EXD2: variants seen among roughly 807,000 people sequenced by gnomAD.
The protein encoded by EXD2 is exonuclease 3'-5' domain containing 2.
Under a neutral mutation model 62.5 loss-of-function variants are expected in EXD2, and 40 were observed. The observed-to-expected ratio is 0.64, with a 90% confidence interval of 0.50 to 0.83. EXD2 has a LOEUF of 0.83. EXD2 is among the 40% of genes least tolerant of loss of function. The pLI is 0.00. For missense variants in EXD2, 671 were observed against 761.8 expected, an observed-to-expected ratio of 0.88 and a Z score of 1.40; for synonymous variants, 239 against 291.9, an observed-to-expected ratio of 0.82 and a Z score of 1.85.
At chr14:69,214,996 T>C (rs1417955024) in intron 3 of EXD2, among the ~76,000 whole-genome samples, 7 of 152,108 alleles carry the variant, frequency 4.6e-5, no homozygotes, top group East Asian at 3.9e-4. Flanking sequence ...TAAAATACAG[T>C]ATAGTCCGGG....
intron 3 of EXD2, among the ~76,000 whole-genome samples, chr14:69,220,251 CTGTTTTTTTTTTTTTT>C (rs2043125453): frequency 1.7e-5 from 1 of 60,604 alleles, no homozygotes; most frequent in African/African-American, 7.0e-5. Context: ...TTTTGTCTCT[CTGTTTTTTTTTTTTTT>C]TTTTTTTTTT....
At chr14:69,221,557 A>G (rs896375631) in intron 3 of EXD2, among the ~76,000 whole-genome samples, 1 of 151,258 alleles carries the variant, frequency 6.6e-6, no homozygotes, top group Admixed American at 6.6e-5. Context: ...ACTTCAGGCA[A>G]GGAGTATGAG....
intron 3 of EXD2, among the ~76,000 whole-genome samples, chr14:69,223,106 A>G (rs1432415566): frequency 2.6e-5 from 4 of 152,224 alleles, no homozygotes; most frequent in Non-Finnish European, 5.9e-5. Context: ...TAATATTATA[A>G]TAAAAGCATG....
At chr14:69,210,661 T>A (rs577270108) in intron 3 of EXD2, among the ~76,000 whole-genome samples, 148 of 152,052 alleles carry the variant, frequency 9.7e-4, no homozygotes, top group Non-Finnish European at 1.8e-3. Flanking sequence ...AAAAGAGAAA[T>A]TAGCCAGGTG....
chr14:69,198,931 A>G (rs2042297110), intron 1 of EXD2, among the ~76,000 whole-genome samples: 1 of 152,226 alleles, frequency 6.6e-6, no homozygotes, highest in Non-Finnish European at 1.5e-5. Context: ...ATAAAAGTAC[A>G]GTAAAAATGT....
rs917381721 is a variant in EXD2 at position 69,243,927 on chromosome 14, C to A, written c.*2827C>A. 6.6e-6 allele frequency: 1 copy of A among 151,860 alleles called. No individual in the cohort carries two copies. The highest frequency in any genetic ancestry group is 6.6e-5 in the Admixed American group (1 of 15,250). 9.4% of individuals were successfully genotyped at this position (151,860 alleles called of 1,614,324 possible). ...TTCTTCCAACCTTATTGCCTCATTT[C>A]CCCCTTGTAGTCAATGTTTTTTGGA... is the stretch of plus-strand genomic sequence containing the variant. On this transcript the variant is annotated 3_prime_UTR_variant, in exon 10 of 10. Transcript: ENST00000685843.
At chr14:69,207,692 C>T (rs1001306005) in intron 2 of EXD2, among the ~76,000 whole-genome samples, 9 of 151,962 alleles carry the variant, frequency 5.9e-5, no homozygotes, top group East Asian at 1.9e-4. Flanking sequence ...GTTTGGCTGG[C>T]GCAATATTTT....
In EXD2 at chr14:69,226,923, T is replaced by C. The variant is rs543482223; in HGVS notation, c.334-1893T>C. 1.8e-4 allele frequency among the ~76,000 whole-genome samples: 27 copies of C among 152,320 alleles called. No homozygotes were observed. The South Asian group carries it at 5.0e-3, about 28-fold the overall frequency. On this transcript the variant is annotated intron_variant, in intron 3 of 9. Coordinates refer to ENST00000685843, the MANE Select transcript of EXD2 (RefSeq NM_001193360.2). ...TTCCTTTGGCATTTACCATGTCATT[T>C]TCTGTGTGTGTGAGCTTGTGTTTAT...
chr14:69,221,491 G>A (rs927276227), intron 3 of EXD2, among the ~76,000 whole-genome samples: 8 of 152,034 alleles, frequency 5.3e-5, no homozygotes, highest in East Asian at 1.9e-4. Flanking sequence ...TAAACCAAGT[G>A]TAGTGGCTCA....
chr14:69,212,206 C>A (rs1451636970), intron 3 of EXD2, among the ~76,000 whole-genome samples: 1 of 151,934 alleles, frequency 6.6e-6, no homozygotes, highest in East Asian at 1.9e-4. Flanking sequence ...TGAAATCCTC[C>A]CCTCTACTAA....
Position 69,236,098 on chromosome 14 carries a change from C to G in EXD2, c.1102C>G (p.Leu368Val). 6.2e-7 allele frequency: 1 copy of G among 1,614,208 alleles called. No homozygotes were observed. ...CFLHAPDGQP[L>V]CTCDRRKAQW... Reference sequence around the variant, plus strand: ...TCTCCATGCTCCTGATGGACAGCCCCTCTGCACTTGTGATAGAAGAAAAGC... The same window carrying G: ...TCTCCATGCTCCTGATGGACAGCCCGTCTGCACTTGTGATAGAAGAAAAGC... Residue 368 changes from leucine to valine, a missense_variant, in exon 7 of 10, where the codon CTC becomes GTC. Transcript: ENST00000685843.
chr14:69,235,363 T>C (rs2043741187), intron 6 of EXD2, among the ~76,000 whole-genome samples: 1 of 152,212 alleles, frequency 6.6e-6, no homozygotes, highest in Non-Finnish European at 1.5e-5. Context: ...ATTCCTTCCT[T>C]GTTTCAGGCT....
At chr14:69,228,255 A>C (rs1345748952) in intron 3 of EXD2, among the ~76,000 whole-genome samples, 2 of 142,068 alleles carry the variant, frequency 1.4e-5, no homozygotes, top group Non-Finnish European at 3.0e-5. Context: ...GCAGTGGCGC[A>C]ATCTCGGCTC....
At chr14:69,205,471 A>G (rs929670672) in intron 2 of EXD2, among the ~76,000 whole-genome samples, 4 of 152,020 alleles carry the variant, frequency 2.6e-5, no homozygotes, top group African/African-American at 9.7e-5. Flanking sequence ...TCTATTGAGT[A>G]TTGAGTTTTT....
At chr14:69,240,696 G>A (rs1286639389) in intron 9 of EXD2, among the ~76,000 whole-genome samples, 188 bp from the exon 10 acceptor site, 5 of 152,136 alleles carry the variant, frequency 3.3e-5, no homozygotes, top group African/African-American at 9.7e-5. Context: ...TTGGGATTGC[G>A]AGTCGTATGT....
At chr14:69,218,522 CTT>C (rs2043062037) in intron 3 of EXD2, among the ~76,000 whole-genome samples, 1 of 152,150 alleles carries the variant, frequency 6.6e-6, no homozygotes, top group South Asian at 2.1e-4. Flanking sequence ...TGCAGAAGCT[CTT>C]TAGTTTAATT....
intron 1 of EXD2, among the ~76,000 whole-genome samples, chr14:69,201,484 C>A (rs983347987): frequency 6.6e-6 from 1 of 151,972 alleles, no homozygotes; most frequent in Admixed American, 6.6e-5. Flanking sequence ...CCACTGTGCC[C>A]ACCTACATTT....
chr14:69,199,551 C>T (rs1168584160), intron 1 of EXD2, among the ~76,000 whole-genome samples: 1 of 152,032 alleles, frequency 6.6e-6, no homozygotes, highest in Non-Finnish European at 1.5e-5. Flanking sequence ...ATATGTTGTA[C>T]AGCTGTATAA....
Position 69,234,809 on chromosome 14 carries a change from G to A in EXD2, c.827G>A (p.Ser276Asn), listed in dbSNP as rs1297060276. 2 of 1,614,046 alleles carry A rather than the reference G, an allele frequency of 1.2e-6. No homozygotes were observed. Among genetic ancestry groups the A allele is most frequent in the Non-Finnish European group, 1.7e-6 (2 of 1,180,038 alleles). The change falls in exon 6 of 10, where the codon AGC becomes AAC. Residue 276 changes from serine to asparagine, a missense_variant. Coordinates refer to ENST00000685843, the MANE Select transcript of EXD2 (RefSeq NM_001193360.2). ...GGAGAAAAAAACGATGACCACAGTAGCTGGAGAAAAGTCTTGGAAAAATGC... is the reference window on the plus strand; with the variant it reads ...GGAGAAAAAAACGATGACCACAGTAACTGGAGAAAAGTCTTGGAAAAATGC... ...SPGEKNDDHS[S>N]WRKVLEKCQG...
Sources: allele counts gnomAD v4.1 joint callset (sites outside exome capture counted in the v4.1 genomes callset), GRCh38; gene constraint gnomAD v4.1.1; transcripts MANE v1.5; gene names NCBI Gene and HGNC (gene_info 2026-07-23, HGNC 2026-07-21).